DGKI: variants seen among roughly 807,000 people sequenced by gnomAD.
DGKI encodes DAG kinase iota.
DGKI carries 55 observed loss-of-function variants against 147.5 expected under a neutral mutation model. The ratio of observed to expected loss-of-function variants is 0.37; its 90% CI spans 0.30 to 0.47. The LOEUF (loss-of-function observed/expected upper bound fraction) is 0.47, where lower values mean the gene tolerates loss of function less well. DGKI is among the 20% of genes least tolerant of loss of function. The pLI, the probability that DGKI is intolerant of heterozygous loss-of-function variation, is 1.00. For synonymous variants in DGKI, 469 were observed against 477.1 expected, an observed-to-expected ratio of 0.98 and a Z score of 0.22; for missense variants, 1,007 against 1,323.8, an observed-to-expected ratio of 0.76 and a Z score of 3.71.
At chr7:137,725,579 A>T (rs934401068) in intron 1 of DGKI, among the ~76,000 whole-genome samples, 8 of 145,204 alleles carry the variant, frequency 5.5e-5, no homozygotes, top group Admixed American at 2.8e-4. Context: ...AAATCACTTT[A>T]AAAAAAGGTA....
intron 1 of DGKI, among the ~76,000 whole-genome samples, chr7:137,778,621 C>T (rs1796432858): frequency 1.3e-5 from 2 of 151,666 alleles, no homozygotes; most frequent in African/African-American, 4.9e-5. Flanking sequence ...TACTCAAAGG[C>T]ACTACAAAGT....
intron 5 of DGKI, among the ~76,000 whole-genome samples, chr7:137,647,800 G>GC (rs2129009252): frequency 6.6e-6 from 1 of 152,330 alleles, no homozygotes; most frequent in South Asian, 2.1e-4. Context: ...ATAAGGGTTA[G>GC]GGAGAACCAG....
rs1168282911 is a variant in DGKI, at chr7:137,390,963, G to A, written c.*257C>T. On this transcript the variant is annotated 3_prime_UTR_variant, in exon 33 of 33. Coordinates refer to ENST00000614521, the MANE Select transcript of DGKI (RefSeq NM_001321708.2). ...CAGAAGTTCATGCTACTTGCTGGAA[G>A]CAATAAGGATCAAATTTTGTGGAAC... 6.3e-6 allele frequency: 3 copies of A among 477,208 alleles called. No homozygotes were observed. The highest frequency in any genetic ancestry group is 2.0e-5 in the African/African-American group (1 of 49,686). The allele number at this position is 477,208 out of a possible 1,614,324, so 29.6% of individuals were successfully genotyped here.
chr7:137,612,233 T>G (rs1490022912), intron 8 of DGKI, among the ~76,000 whole-genome samples: 3 of 151,018 alleles, frequency 2.0e-5, no homozygotes, highest in African/African-American at 4.9e-5. Context: ...TTTTTTTTTT[T>G]TTTTTTTTTG....
chr7:137,421,468 A>G (rs1812567528), intron 28 of DGKI, among the ~76,000 whole-genome samples: 2 of 152,162 alleles, frequency 1.3e-5, no homozygotes, highest in African/African-American at 4.8e-5. Context: ...CATGGAAGAG[A>G]TTTCTGTTTG....
At chr7:137,500,646 A>G (rs181352760) in intron 21 of DGKI, among the ~76,000 whole-genome samples, 14 of 152,286 alleles carry the variant, frequency 9.2e-5, no homozygotes, top group Admixed American at 9.2e-4. Context: ...CAGGGACCCT[A>G]TATATGAGAC....
intron 3 of DGKI, among the ~76,000 whole-genome samples, chr7:137,670,826 C>G (rs748705958): frequency 1.2e-4 from 19 of 152,164 alleles, no homozygotes; most frequent in Non-Finnish European, 1.5e-4. Context: ...GATCATGAGT[C>G]TGCTGTGCCA....
rs527657507 is a variant in DGKI, at chr7:137,623,442, A to C, written c.876+41T>G. On this transcript the variant is annotated intron_variant, in intron 7 of 32. Transcript: ENST00000614521. Reference sequence around the variant, plus strand: ...AATAATGACACAAGTGTATTTCGACAAAACATGAGCCCACATTGCTTTATT... The same window carrying C: ...AATAATGACACAAGTGTATTTCGACCAAACATGAGCCCACATTGCTTTATT... 1.1e-5 allele frequency: 17 copies of C among 1,581,238 alleles called. No individual in the cohort carries two copies. The South Asian group carries it at 1.7e-4, about 15-fold the overall frequency.
chr7:137,408,226 G>A (rs1277281571), intron 29 of DGKI, among the ~76,000 whole-genome samples: 1 of 152,170 alleles, frequency 6.6e-6, no homozygotes, highest in Non-Finnish European at 1.5e-5. Flanking sequence ...AACAGGCTAG[G>A]GAAACTGAAT....
intron 8 of DGKI, among the ~76,000 whole-genome samples, chr7:137,618,151 A>ATATATATATTTTTTT: frequency 9.6e-4 from 10 of 10,458 alleles, no homozygotes; most frequent in Non-Finnish European, 1.2e-3. Flanking sequence ...ATATATATAT[A>ATATATATATTTTTTT]TTTTTTTTTT....
intron 1 of DGKI, among the ~76,000 whole-genome samples, chr7:137,817,185 G>A (rs528912425): frequency 6.0e-4 from 91 of 152,072 alleles, no homozygotes; most frequent in Non-Finnish European, 9.1e-4. Flanking sequence ...CTTTGTAGAA[G>A]ACCCTTCCCA....
chr7:137,697,439 G>C (rs1278084709), intron 1 of DGKI, among the ~76,000 whole-genome samples: 1 of 152,142 alleles, frequency 6.6e-6, no homozygotes, highest in Non-Finnish European at 1.5e-5. Flanking sequence ...GAAGACAAAT[G>C]CAAAGTCAAA....
At chr7:137,656,411 C>T (rs1482534023) in intron 4 of DGKI, 55 bp downstream of exon 4, 2 of 1,589,740 alleles carry the variant, frequency 1.3e-6, no homozygotes. Context: ...CACCGGGCCT[C>T]TGAAGACCAA....
chr7:137,591,642 T>G (rs1819622298), intron 12 of DGKI, among the ~76,000 whole-genome samples: 1 of 152,078 alleles, frequency 6.6e-6, no homozygotes, highest in South Asian at 2.1e-4. Context: ...CTCTCTAAGC[T>G]CCCCTCACAT....
chr7:137,668,269 G>C (rs1822713349), intron 3 of DGKI, among the ~76,000 whole-genome samples: 1 of 152,172 alleles, frequency 6.6e-6, no homozygotes, highest in African/African-American at 2.4e-5. Flanking sequence ...ATGGCAAAAA[G>C]CAGTCTCTGT....
chr7:137,500,001 A>C (rs1011059525), intron 21 of DGKI, among the ~76,000 whole-genome samples: 1 of 152,136 alleles, frequency 6.6e-6, no homozygotes, highest in African/African-American at 2.4e-5. Context: ...CTGCCTCCAG[A>C]TCTTTTAGAA....
chr7:137,468,715 C>A (rs1248917596), intron 24 of DGKI, among the ~76,000 whole-genome samples: 1 of 152,158 alleles, frequency 6.6e-6, no homozygotes, highest in Admixed American at 6.5e-5. Flanking sequence ...TGCTAGGCTA[C>A]TGGACAGTCC....
intron 21 of DGKI, among the ~76,000 whole-genome samples, chr7:137,504,380 G>C (rs10277326): frequency 6.6e-6 from 1 of 152,120 alleles, no homozygotes; most frequent in Non-Finnish European, 1.5e-5. Context: ...TTATAAGAAC[G>C]TGTGATACCT....
chr7:137,487,526 T>A, intron 22 of DGKI, 84 bp downstream of exon 22: 1 of 1,248,972 alleles, frequency 8.0e-7, no homozygotes, highest in Non-Finnish European at 1.2e-6. Flanking sequence ...AAATGCATCA[T>A]TTCAGAAGCA....
Sources: allele counts gnomAD v4.1 joint callset (sites outside exome capture counted in the v4.1 genomes callset), GRCh38; gene constraint gnomAD v4.1.1; transcripts MANE v1.5; gene names NCBI Gene and HGNC (gene_info 2026-07-23, HGNC 2026-07-21).